The following ZSWIM6 variants were observed in gnomAD, a reference collection of about 807,000 sequenced individuals.
ZSWIM6 encodes the protein zinc finger SWIM domain-containing protein 6.
ZSWIM6 carries 9 observed loss-of-function variants against 113.2 expected under a neutral mutation model. That is an observed-to-expected ratio of 0.08 (90% CI 0.05 to 0.14). The LOEUF (loss-of-function observed/expected upper bound fraction) is 0.14. Ranked by LOEUF, ZSWIM6 falls within the 10% of genes least tolerant of loss-of-function variation. The pLI, the probability that ZSWIM6 is intolerant of heterozygous loss-of-function variation, is 1.00. For synonymous variants in ZSWIM6, 611 were observed against 606.5 expected, an observed-to-expected ratio of 1.01 and a Z score of -0.11; for missense variants, 1,162 against 1,552.2, an observed-to-expected ratio of 0.75 and a Z score of 4.22.
At chr5:61,336,292 A>G (rs1259008781) in intron 1 of ZSWIM6, among the ~76,000 whole-genome samples, 1 of 152,072 alleles carries the variant, frequency 6.6e-6, no homozygotes, top group East Asian at 1.9e-4. Context: ...TGATATTGAT[A>G]TTGGAAGGGA....
At chr5:61,480,293 A>G (rs1388217666) in intron 2 of ZSWIM6, among the ~76,000 whole-genome samples, 1 of 152,220 alleles carries the variant, frequency 6.6e-6, no homozygotes, top group Non-Finnish European at 1.5e-5. Context: ...AGAAGAGAGG[A>G]AAATAATAGA....
chr5:61,354,280 A>G (rs1211442380), intron 1 of ZSWIM6, among the ~76,000 whole-genome samples: 1 of 152,232 alleles, frequency 6.6e-6, no homozygotes, highest in Non-Finnish European at 1.5e-5. Flanking sequence ...TAGGAAGTCT[A>G]TATAACTCAC....
intron 1 of ZSWIM6, among the ~76,000 whole-genome samples, chr5:61,446,667 T>TA (rs751682815): frequency 2.0e-5 from 3 of 152,200 alleles, no homozygotes; most frequent in Admixed American, 2.0e-4. Context: ...GTTTTTATCT[T>TA]ACAAAAATTT....
intron 1 of ZSWIM6, among the ~76,000 whole-genome samples, chr5:61,427,389 A>G (rs915456803): frequency 2.0e-5 from 3 of 152,242 alleles, no homozygotes; most frequent in African/African-American, 4.8e-5. Context: ...ATGCCTACAC[A>G]TAACTTCATT....
intron 1 of ZSWIM6, among the ~76,000 whole-genome samples, chr5:61,370,759 A>G (rs1238839063): frequency 6.6e-6 from 1 of 152,210 alleles, no homozygotes; most frequent in African/African-American, 2.4e-5. Context: ...TAAATTGCCT[A>G]CCAGTTTCAC....
chr5:61,485,750 C>T (rs1475815889), intron 2 of ZSWIM6, among the ~76,000 whole-genome samples: 1 of 152,112 alleles, frequency 6.6e-6, no homozygotes, highest in Non-Finnish European at 1.5e-5. Flanking sequence ...TATTTTCGCC[C>T]CTCAATTCAT....
intron 1 of ZSWIM6, 61 bp downstream of exon 1, chr5:61,333,009 G>GGGCGCCCC: frequency 2.3e-6 from 1 of 439,896 alleles, no homozygotes; most frequent in Non-Finnish European, 3.2e-6. Flanking sequence ...TGGGGGGGGG[G>GGGCGCCCC]TGCCCGCCTT....
chr5:61,510,981 T>A (rs1748771687), intron 4 of ZSWIM6, among the ~76,000 whole-genome samples: 1 of 152,114 alleles, frequency 6.6e-6, no homozygotes, highest in South Asian at 2.1e-4. Flanking sequence ...GCTACAAATG[T>A]TTCAGGCGTA....
chr5:61,416,837 A>AAGG (rs1746267359), intron 1 of ZSWIM6, among the ~76,000 whole-genome samples: 1 of 152,236 alleles, frequency 6.6e-6, no homozygotes, highest in African/African-American at 2.4e-5. Context: ...ACAGAAAGAC[A>AAGG]ACAAAATAGT....
intron 1 of ZSWIM6, among the ~76,000 whole-genome samples, chr5:61,460,241 T>C (rs528827345): frequency 1.1e-3 from 166 of 152,302 alleles, no homozygotes; most frequent in African/African-American, 3.8e-3. Flanking sequence ...TCATGCTGAT[T>C]GATGATTCTA....
At chr5:61,358,818 C>T (rs755941634) in intron 1 of ZSWIM6, among the ~76,000 whole-genome samples, 2 of 152,190 alleles carry the variant, frequency 1.3e-5, no homozygotes, top group African/African-American at 2.4e-5. Flanking sequence ...GCTTCCCAGT[C>T]TCTTTTACCT....
chr5:61,333,008 G>GA (rs1744298891), intron 1 of ZSWIM6, 60 bp downstream of exon 1: 10 of 498,896 alleles, frequency 2.0e-5, no homozygotes, highest in Non-Finnish European at 2.8e-5. Context: ...GTGGGGGGGG[G>GA]GTGCCCGCCT....
chr5:61,538,767 T>G, intron 10 of ZSWIM6, 47 bp from the exon 11 acceptor site: 2 of 1,516,432 alleles, frequency 1.3e-6, no homozygotes, highest in Non-Finnish European at 1.8e-6. Flanking sequence ...GCCAAGGACA[T>G]GGTCAAGAAA....
At chr5:61,418,435 T>C (rs1746296661) in intron 1 of ZSWIM6, among the ~76,000 whole-genome samples, 1 of 151,968 alleles carries the variant, frequency 6.6e-6, no homozygotes, top group Non-Finnish European at 1.5e-5. Context: ...ACCCGGCTAC[T>C]TTTTTGTATT....
Position 61,332,928 on chromosome 5 carries a change from T to C in ZSWIM6, c.656T>C (p.Val219Ala). 1 of 1,342,532 alleles carries C rather than the reference T, an allele frequency of 7.4e-7. No homozygotes were observed. Among genetic ancestry groups the C allele is most frequent in the Non-Finnish European group, 9.6e-7 (1 of 1,037,808 alleles). 83.2% of individuals were successfully genotyped at this position (1,342,532 alleles called of 1,614,324 possible). The change falls in exon 1 of 14, where the codon GTA becomes GCA. Residue 219 changes from valine (V) to alanine (A), a missense_variant. Val to Ala is a moderately conservative substitution (Grantham distance 64). Around this residue, in one of 4 missense-constraint regions of ZSWIM6, gnomAD observed 333 missense variants for 293.4 expected, o/e 1.13. Transcript: ENST00000252744. ...ATCGCGCTGTTGGAAAGCGGCTGCG[T>C]AGACAACGTCCTGCAAGTCGGTGAG... is the stretch of plus-strand genomic sequence containing the variant. ...RGIALLESGCVDNVLQVGFHL... is the reference protein window; with the variant it reads ...RGIALLESGCADNVLQVGFHL...
At chr5:61,503,022 C>G (rs1308522947) in intron 4 of ZSWIM6, among the ~76,000 whole-genome samples, 1 of 152,090 alleles carries the variant, frequency 6.6e-6, no homozygotes, top group Non-Finnish European at 1.5e-5. Flanking sequence ...ATATAAATAG[C>G]TTTTTCCTAT....
In ZSWIM6 at chr5:61,388,965, TCTTTATTC is replaced by T. The variant is rs1268612042; in HGVS notation, c.676+56018_676+56025del. On this transcript the variant is annotated intron_variant, in intron 1 of 13. Coordinates refer to ENST00000252744, the MANE Select transcript of ZSWIM6 (RefSeq NM_020928.2). Reference sequence around the variant, plus strand: ...TTTTCGAATATTCTAGATCAGTGTTTCTTTATTCTTTGTAACTTAAAGTTCTGTAAATG... The same window carrying T: ...TTTTCGAATATTCTAGATCAGTGTTTTTTGTAACTTAAAGTTCTGTAAATG... 3.3e-5 allele frequency among the ~76,000 whole-genome samples: 5 copies of T among 152,362 alleles called. 1 individual carries two copies. Among genetic ancestry groups the T allele is most frequent in the African/African-American group, 1.2e-4 (5 of 41,586 alleles).
chr5:61,522,103 G>C (rs920682772), intron 5 of ZSWIM6, among the ~76,000 whole-genome samples: 1 of 134,570 alleles, frequency 7.4e-6, no homozygotes, highest in Non-Finnish European at 1.7e-5. Flanking sequence ...GTTTTTTTTT[G>C]TTTTTTGTTT....
At position 61,419,127 on chromosome 5, in the gene ZSWIM6, T is replaced by C. The variant is rs1746308615; in HGVS notation, c.677-53554T>C. 1.3e-5 allele frequency among the ~76,000 whole-genome samples: 2 copies of C among 152,346 alleles called. 1 individual carries two copies. On this transcript the variant is annotated intron_variant, in intron 1 of 13. Coordinates refer to ENST00000252744, the MANE Select transcript of ZSWIM6 (RefSeq NM_020928.2). Reference sequence around the variant, plus strand: ...ATGAGCCACCACGCCCGGCCTCCTCTTTATAACTTAGTTGGGTTAGTTTCC... The same window carrying C: ...ATGAGCCACCACGCCCGGCCTCCTCCTTATAACTTAGTTGGGTTAGTTTCC...
Sources: allele counts gnomAD v4.1 joint callset (sites outside exome capture counted in the v4.1 genomes callset), GRCh38; gene constraint gnomAD v4.1.1; regional missense constraint gnomAD v4.1.1; transcripts MANE v1.5; gene names NCBI Gene and HGNC (gene_info 2026-07-23, HGNC 2026-07-21).